The following CHRD variants were observed in gnomAD, a reference collection of about 807,000 sequenced individuals.
CHRD encodes the protein chordin.
Under a neutral mutation model 113.7 loss-of-function variants are expected in CHRD, and 69 were observed. The ratio of observed to expected loss-of-function variants is 0.61; its 90% CI spans 0.50 to 0.74. CHRD has a LOEUF of 0.74. CHRD is among the 30% of genes least tolerant of loss of function. The probability of loss-of-function intolerance (pLI) is 0.00; values close to 1 mark genes in which losing one functional copy is unlikely to be tolerated. For missense variants in CHRD, 1,194 were observed against 1,295.8 expected (o/e 0.92, Z 1.21); for synonymous variants, 561 against 540.8 (o/e 1.04, Z -0.52).
Position 184,388,000 on chromosome 3 carries a change from G to C in CHRD, c.2521G>C (p.Val841Leu), listed in dbSNP as rs1577411511. The change falls in exon 20 of 23, where the codon GTC (valine) becomes CTC (leucine). Residue 841 changes from valine to leucine, a missense_variant. By Grantham distance (32) the Val-to-Leu change is conservative. Transcript: ENST00000204604. The surrounding 1 kb of genome is among the most constrained non-coding windows in gnomAD (Gnocchi z 6.1). Reference sequence around the variant, plus strand: ...GCTGGCCTGTGCCCAGCCTGTGCGTGTCAACCCCACCGACTGCTGCAAACA... The same window carrying C: ...GCTGGCCTGTGCCCAGCCTGTGCGTCTCAACCCCACCGACTGCTGCAAACA... 1 of 1,613,848 alleles carries C rather than the reference G, an allele frequency of 6.2e-7. No homozygotes were observed. The highest frequency in any genetic ancestry group is 2.2e-5 in the East Asian group (1 of 44,872).
Position 184,388,771 on chromosome 3 carries a change from T to C in CHRD, c.2709+30T>C, listed in dbSNP as rs527560199. The C allele has an allele frequency of 5.6e-6, 9 of 1,612,102 alleles. No homozygotes were observed. Among genetic ancestry groups the C allele is most frequent in the Non-Finnish European group, 6.8e-6 (8 of 1,178,784 alleles). On this transcript the variant is annotated intron_variant, in intron 21 of 22. Transcript: ENST00000204604. The surrounding 1 kb of genome is among the most constrained non-coding windows in gnomAD (Gnocchi z 6.1). ...GTGGGGAGCAGAGGCTTGTGTGAGG[T>C]GGGTACTGGGAGCCTGGTCTGGAGT...
At position 184,384,525 on chromosome 3, in the gene CHRD, C is replaced by G. The variant is rs199639745; in HGVS notation, c.1441-12C>G. ...GTGAGAGCTGAGAAGGCCTATCCTC[C>G]CCTGCCCCCAGGCCGTGGGTATCTG... On this transcript the variant is annotated splice_polypyrimidine_tract_variant and intron_variant, in intron 12 of 22. Transcript: ENST00000204604. The surrounding 1 kb of genome is among the most constrained non-coding windows in gnomAD (Gnocchi z 4.4). 145 of 1,511,266 alleles carry G rather than the reference C, an allele frequency of 9.6e-5. 2 individuals are homozygous for G. The African/African-American group carries it at 1.0e-3, about 11-fold the overall frequency. The allele number at this position is 1,511,266 out of a possible 1,614,324, so 93.6% of individuals were successfully genotyped here.
rs780586996 is a variant in CHRD at position 184,387,093 on chromosome 3, G to A, written c.2333G>A (p.Arg778Gln). The stretch of plus-strand genomic sequence containing the variant: ...GACTTGCCAGGGCTGCCAAGGAGCC[G>A]GGACCCAGGAGAGGGTGAGCTGGAA... Residue 778 changes from arginine to glutamine, a missense_variant, in exon 18 of 23, where the codon CGG becomes CAG. Physicochemically the swap from Arg to Gln is conservative, Grantham distance 43. Coordinates refer to ENST00000204604, the Ensembl canonical transcript of CHRD. This position sits in a 1 kb window ranked among gnomAD's most constrained non-coding sequence, Gnocchi z 6.1. The A allele has an allele frequency of 1.8e-5, 29 of 1,613,964 alleles. No homozygotes were observed. The highest frequency in any genetic ancestry group is 3.3e-5 in the South Asian group (3 of 91,062).
intron 12 of CHRD, among the ~76,000 whole-genome samples, chr3:184,383,965 C>T (rs542445415): frequency 2.6e-5 from 4 of 152,096 alleles, no homozygotes; most frequent in South Asian, 2.1e-4. Flanking sequence ...TTAGTAGAGA[C>T]GGGGTTTCAC....
chr3:184,382,806 G>A, intron 8 of CHRD, 32 bp downstream of exon 8: 1 of 1,613,138 alleles, frequency 6.2e-7, no homozygotes, highest in Non-Finnish European at 8.5e-7. Flanking sequence ...CACGTGAGAA[G>A]GTTAGGGAGA....
At position 184,387,528 on chromosome 3, in the gene CHRD, G is replaced by A. The variant is rs776285578; in HGVS notation, c.2451+51G>A. 3.8e-5 allele frequency: 57 copies of A among 1,494,370 alleles called. No individual in the cohort carries two copies. The highest frequency in any genetic ancestry group is 1.5e-5 in the Non-Finnish European group (17 of 1,112,382). The allele number at this position is 1,494,370 out of a possible 1,614,324, so 92.6% of individuals were successfully genotyped here. A position where few individuals can be genotyped will look rare whatever the true frequency, so the allele number is the denominator to read the frequency against. ...GCCATAACCCAGCGGGGTCTGCAGAGATGGGGAGGGGCTGCCAGGTGAGGA... is the reference window on the plus strand; with the variant it reads ...GCCATAACCCAGCGGGGTCTGCAGAAATGGGGAGGGGCTGCCAGGTGAGGA... On this transcript the variant is annotated intron_variant, in intron 19 of 22. Coordinates refer to ENST00000204604, the Ensembl canonical transcript of CHRD. This position sits in a 1 kb window ranked among gnomAD's most constrained non-coding sequence, Gnocchi z 6.1.
chr3:184,382,296 C>T, intron 6 of CHRD, 93 bp from the exon 7 acceptor site: 5 of 1,575,014 alleles, frequency 3.2e-6, no homozygotes. Flanking sequence ...GGTTCCTTTC[C>T]ATGTTCCTTT....
rs755240927 is a variant in CHRD at position 184,388,779 on chromosome 3, G to A, written c.2709+38G>A. On this transcript the variant is annotated intron_variant, in intron 21 of 22. Transcript: ENST00000204604. The surrounding 1 kb of genome is among the most constrained non-coding windows in gnomAD (Gnocchi z 6.1). ...CAGAGGCTTGTGTGAGGTGGGTACT[G>A]GGAGCCTGGTCTGGAGTAGGGAGAC... is the stretch of plus-strand genomic sequence containing the variant. 5.0e-6 allele frequency: 8 copies of A among 1,611,216 alleles called. No individual in the cohort carries two copies. Among genetic ancestry groups the A allele is most frequent in the Non-Finnish European group, 5.9e-6 (7 of 1,178,202 alleles).
chr3:184,380,342 G>A lies in CHRD; in HGVS notation c.24G>A (p.Pro8=), dbSNP rs1715087686. 2 of 1,316,344 alleles carry A rather than the reference G, an allele frequency of 1.5e-6. No individual in the cohort carries two copies. Among genetic ancestry groups the A allele is most frequent in the Non-Finnish European group, 2.0e-6 (2 of 1,019,416 alleles). The allele number at this position is 1,316,344 out of a possible 1,614,324, so 81.5% of individuals were successfully genotyped here. A position where few individuals can be genotyped will look rare whatever the true frequency, so the allele number is the denominator to read the frequency against. The stretch of plus-strand genomic sequence containing the variant: ...TCATGCCGAGCCTCCCGGCCCCGCC[G>A]GCCCCGCTGCTGCTCCTCGGGCTGC... The change falls in exon 1 of 23, where the codon CCG becomes CCA. Residue 8 remains proline, a synonymous_variant. Transcript: ENST00000204604. The surrounding 1 kb of genome is among the most constrained non-coding windows in gnomAD (Gnocchi z 6.3).
chr3:184,385,969 T>G lies in CHRD; in HGVS notation c.1819-77T>G. The G allele has an allele frequency of 4.1e-6, 6 of 1,448,814 alleles. No individual in the cohort carries two copies. The South Asian group carries it at 5.8e-5, about 14-fold the overall frequency. 89.7% of individuals were successfully genotyped at this position (1,448,814 alleles called of 1,614,324 possible). ...TATTTAACCTCCCTGGCTCTCAGTT[T>G]CTTCATCTGTGAACTGGGGACAGTA... On this transcript the variant is annotated intron_variant, in intron 14 of 22. Coordinates refer to ENST00000204604, the Ensembl canonical transcript of CHRD.
chr3:184,387,083 C>T lies in CHRD; in HGVS notation c.2323C>T (p.Pro775Ser), dbSNP rs929204002. 6.2e-7 allele frequency: 1 copy of T among 1,614,020 alleles called. No homozygotes were observed. The highest frequency in any genetic ancestry group is 1.3e-5 in the African/African-American group (1 of 74,996). ...AGATGTCAGAGACTTGCCAGGGCTG[C>T]CAAGGAGCCGGGACCCAGGAGAGGG... Residue 775 changes from proline to serine, a missense_variant, in exon 18 of 23, where the codon CCA (proline) becomes TCA (serine). Coordinates refer to ENST00000204604, the Ensembl canonical transcript of CHRD. This position sits in a 1 kb window ranked among gnomAD's most constrained non-coding sequence, Gnocchi z 6.1.
Position 184,380,618 on chromosome 3 carries a change from G to C in CHRD, c.149-74G>C. The C allele has an allele frequency of 7.9e-7, 1 of 1,262,074 alleles. No homozygotes were observed. Among genetic ancestry groups the C allele is most frequent in the Non-Finnish European group, 1.0e-6 (1 of 970,752 alleles). 78.2% of individuals were successfully genotyped at this position (1,262,074 alleles called of 1,614,324 possible). On this transcript the variant is annotated intron_variant, in intron 1 of 22. Transcript: ENST00000204604. The surrounding 1 kb of genome is among the most constrained non-coding windows in gnomAD (Gnocchi z 6.3). ...GAAGGGCGCGGTGCCTGGGACCCGG[G>C]ACCCGCGGGCAGCCCCCGGGGCGGC...
In CHRD at chr3:184,388,693, C is replaced by G. The variant is rs747709548; in HGVS notation, c.2661C>G (p.Pro887=). The stretch of plus-strand genomic sequence containing the variant: ...TCCCAGAGAGTCAGAGCTGGCACCC[C>G]TCAGTGCCCCCTTTTGGAGAGATGA... The change falls in exon 21 of 23, where the codon CCC becomes CCG. Residue 887 remains proline (P), a synonymous_variant. Transcript: ENST00000204604. This position sits in a 1 kb window ranked among gnomAD's most constrained non-coding sequence, Gnocchi z 6.1. 1 of 1,614,064 alleles carries G rather than the reference C, an allele frequency of 6.2e-7. No homozygotes were observed. The highest frequency in any genetic ancestry group is 1.7e-5 in the Admixed American group (1 of 60,024).
chr3:184,386,201 CAG>C lies in CHRD; in HGVS notation c.1932+45_1932+46del, dbSNP rs755603288. 27 of 1,590,186 alleles carry C rather than the reference CAG, an allele frequency of 1.7e-5. No individual in the cohort carries two copies. The African/African-American group carries it at 3.4e-4, about 20-fold the overall frequency. ...GGCAGTGGGGGCAGTGGGGAGGGTG[CAG>C]AGTTGGAGGGGCACTGTGTGCCATT... On this transcript the variant is annotated intron_variant, in intron 15 of 22. Coordinates refer to ENST00000204604, the Ensembl canonical transcript of CHRD.
chr3:184,383,199 CACAACTGAGAGACACAG>C (rs765447442), intron 10 of CHRD, 36 bp downstream of exon 10: 33 of 1,591,834 alleles, frequency 2.1e-5, no homozygotes, highest in Non-Finnish European at 2.7e-5. Flanking sequence ...GCCGGGCATG[CACAACTGAGAGACACAG>C]ACAAGTGCCA....
rs3749228 is a variant in CHRD at position 184,381,554 on chromosome 3, G to A, written c.441G>A (p.Pro147=). Residue 147 remains proline (P), a synonymous_variant, in exon 4 of 23, where the codon CCG becomes CCA. Transcript: ENST00000204604. This position sits in a 1 kb window ranked among gnomAD's most constrained non-coding sequence, Gnocchi z 4.7. ...TGTCCTTCGAGTATCCGCGGGACCC[G>A]GAGCATCGCAGTTATAGCGACCGCG... 7 of 1,608,328 alleles carry A rather than the reference G, an allele frequency of 4.4e-6. No homozygotes were observed. The highest frequency in any genetic ancestry group is 3.3e-5 in the South Asian group (3 of 90,706).
rs757406910 is a variant in CHRD, at chr3:184,387,973, C to T, written c.2494C>T (p.Arg832Trp). The T allele has an allele frequency of 2.3e-5, 37 of 1,613,512 alleles. No individual in the cohort carries two copies. In the East Asian group the frequency reaches 3.1e-4, roughly 14 times the overall value. ...GCACTGTGAGAAGGTGCAGTGTCCCCGGCTGGCCTGTGCCCAGCCTGTGCG... is the reference window on the plus strand; with the variant it reads ...GCACTGTGAGAAGGTGCAGTGTCCCTGGCTGGCCTGTGCCCAGCCTGTGCG... The change falls in exon 20 of 23, where the codon CGG becomes TGG. Residue 832 changes from arginine to tryptophan, a missense_variant. By Grantham distance (101) the Arg-to-Trp change is moderately radical. Transcript: ENST00000204604. The surrounding 1 kb of genome is among the most constrained non-coding windows in gnomAD (Gnocchi z 6.1).
chr3:184,389,651 CCT>C, exon 23 of CHRD: 1 of 549,502 alleles, frequency 1.8e-6, no homozygotes, highest in Non-Finnish European at 3.3e-6. Context: ...CCACCCTCGG[CCT>C]CTGTCCTGGA....
downstream of CHRD, chr3:184,390,684 C>G (rs1372364356): frequency 6.6e-6 from 1 of 152,074 alleles, no homozygotes; most frequent in Non-Finnish European, 1.5e-5. Context: ...GAACAGAAAT[C>G]TAACAAATGT....
Sources: gnomAD v4.1 joint callset for allele counts (sites outside exome capture counted in the v4.1 genomes callset) on GRCh38, gnomAD v4.1.1 for gene constraint, Gnocchi (gnomAD v3.1) non-coding constraint, MANE v1.5 for transcripts, NCBI Gene and HGNC (gene_info 2026-07-23, HGNC 2026-07-21) for gene names.